The following NKAIN3 variants were observed in gnomAD, a reference collection of about 807,000 sequenced individuals.
NKAIN3 encodes sodium/potassium-transporting ATPase subunit beta-1-interacting protein 3.
In NKAIN3, 25 loss-of-function variants were observed where a neutral mutation model predicts 30.2. The observed-to-expected ratio is 0.83, with a 90% CI of 0.60 to 1.16. The LOEUF (loss-of-function observed/expected upper bound fraction) is 1.16. Among genes scored for constraint, NKAIN3 ranks in the 50% most tolerant of loss-of-function variants. The pLI, the probability that NKAIN3 is intolerant of heterozygous loss-of-function variation, is 0.00. For synonymous variants in NKAIN3, 91 were observed against 89.6 expected, an observed-to-expected ratio of 1.02 and a Z score of -0.09; for missense variants, 225 against 254.1, an observed-to-expected ratio of 0.89 and a Z score of 0.78.
intron 1 of NKAIN3, among the ~76,000 whole-genome samples, chr8:62,261,534 T>C (rs1166748248): frequency 8.5e-5 from 13 of 152,244 alleles, no homozygotes; most frequent in Admixed American, 8.5e-4. Flanking sequence ...TTCTTCCACC[T>C]GTTGGCATCA....
intron 4 of NKAIN3, chr8:62,855,581 A>C: frequency 1.3e-6 from 2 of 1,584,184 alleles, no homozygotes; most frequent in East Asian, 2.2e-5. Context: ...CATTGCTTCA[A>C]CCTTGGGCAA....
chr8:62,741,506 G>C lies in NKAIN3; in HGVS notation c.274-5426G>C, dbSNP rs180878804. Among the ~76,000 whole-genome samples the C allele has an allele frequency of 5.9e-3, 891 of 152,260 alleles. 5 individuals carry two copies. The highest frequency in any genetic ancestry group is 0.027 in the South Asian group (130 of 4,826). On this transcript the variant is annotated intron_variant, in intron 3 of 6. Transcript: ENST00000623646. ...GTGGAATGTCTTCTCCCCTCCACTGGAAGAAGGAAGACCTTCTTATCACCA... is the reference window on the plus strand; with the variant it reads ...GTGGAATGTCTTCTCCCCTCCACTGCAAGAAGGAAGACCTTCTTATCACCA...
At chr8:62,390,434 T>C (rs1224058133) in intron 1 of NKAIN3, among the ~76,000 whole-genome samples, 1 of 152,216 alleles carries the variant, frequency 6.6e-6, no homozygotes, top group East Asian at 1.9e-4. Context: ...ATTTTCTTTA[T>C]CCAGTCTATC....
intron 2 of NKAIN3, among the ~76,000 whole-genome samples, chr8:62,587,178 C>T (rs1053459689): frequency 1.3e-5 from 2 of 151,882 alleles, no homozygotes; most frequent in East Asian, 3.9e-4. Context: ...TATCTCTTTT[C>T]TTTTATACTC....
At chr8:62,589,655 AT>A (rs1810589072) in intron 2 of NKAIN3, 58 bp from the exon 3 acceptor site, 1 of 713,784 alleles carries the variant, frequency 1.4e-6, no homozygotes, top group African/African-American at 1.8e-5. Context: ...TTTATTTGAT[AT>A]ACATGCCTTT....
chr8:62,998,909 A>T (rs1439398937), intron 5 of NKAIN3, among the ~76,000 whole-genome samples: 1 of 152,220 alleles, frequency 6.6e-6, no homozygotes, highest in Non-Finnish European at 1.5e-5. Flanking sequence ...TGTGTCTTCC[A>T]TTCAAACAGT....
At chr8:62,267,270 G>C (rs1330438045) in intron 1 of NKAIN3, among the ~76,000 whole-genome samples, 1 of 152,208 alleles carries the variant, frequency 6.6e-6, no homozygotes, top group Non-Finnish European at 1.5e-5. Flanking sequence ...TGAAGCAATA[G>C]AACAGATCAT....
intron 3 of NKAIN3, among the ~76,000 whole-genome samples, chr8:62,664,149 A>G (rs1261653081): frequency 1.3e-5 from 2 of 151,800 alleles, no homozygotes; most frequent in Non-Finnish European, 2.9e-5. Context: ...ACCTGTAAGA[A>G]TTTCACCTCT....
chr8:62,843,476 A>G (rs1467993284), intron 4 of NKAIN3, among the ~76,000 whole-genome samples: 1 of 151,926 alleles, frequency 6.6e-6, no homozygotes, highest in Non-Finnish European at 1.5e-5. Context: ...AGCTGGGACT[A>G]CAGGCACATG....
chr8:62,579,630 T>G lies in NKAIN3; in HGVS notation c.146T>G (p.Leu49Trp). Residue 49 changes from leucine (L) to tryptophan (W), a missense_variant, in exon 2 of 7, where the codon TTG becomes TGG. By Grantham distance (61) the Leu-to-Trp change is moderately conservative. Coordinates refer to ENST00000623646, the MANE Select transcript of NKAIN3 (RefSeq NM_001304533.3). The stretch of plus-strand genomic sequence containing the variant: ...TTTCTACACATAATAGTTGTCATAT[T>G]GGGTTTGTTTGGGACCATTCAGTAC... ...GNFLHIIVVILGLFGTIQYRP... is the reference protein window; with the variant it reads ...GNFLHIIVVIWGLFGTIQYRP... 6.2e-7 allele frequency: 1 copy of G among 1,609,060 alleles called. No individual in the cohort carries two copies. Among genetic ancestry groups the G allele is most frequent in the Non-Finnish European group, 8.5e-7 (1 of 1,176,348 alleles).
rs943329522 is a variant in NKAIN3, at chr8:62,529,447, G to C, written c.55-50092G>C. 1.3e-5 allele frequency among the ~76,000 whole-genome samples: 2 copies of C among 152,254 alleles called. 1 individual carries two copies. The highest frequency in any genetic ancestry group is 1.3e-4 in the Admixed American group (2 of 15,292). ...TGAAATCCTAACAACGAACGTGATAGTGCTAAGGGAGCAGGCCTTTGGAAG... is the reference window on the plus strand; with the variant it reads ...TGAAATCCTAACAACGAACGTGATACTGCTAAGGGAGCAGGCCTTTGGAAG... On this transcript the variant is annotated intron_variant, in intron 1 of 6. Coordinates refer to ENST00000623646, the MANE Select transcript of NKAIN3 (RefSeq NM_001304533.3).
intron 1 of NKAIN3, among the ~76,000 whole-genome samples, chr8:62,417,631 T>C (rs923647629): frequency 3.9e-5 from 6 of 152,300 alleles, no homozygotes; most frequent in Non-Finnish European, 5.9e-5. Flanking sequence ...CTCACCAGCA[T>C]TTTTTATTGC....
chr8:62,549,490 A>G (rs558914236), intron 1 of NKAIN3, among the ~76,000 whole-genome samples: 2 of 152,324 alleles, frequency 1.3e-5, no homozygotes, highest in African/African-American at 4.8e-5. Flanking sequence ...AGGTTTTCCC[A>G]TAAAACCAGC....
chr8:62,573,019 G>T (rs1055943934), intron 1 of NKAIN3, among the ~76,000 whole-genome samples: 2 of 152,122 alleles, frequency 1.3e-5, no homozygotes, highest in Non-Finnish European at 1.5e-5. Context: ...GCGGGGCATG[G>T]CTAATGATTC....
intron 1 of NKAIN3, among the ~76,000 whole-genome samples, chr8:62,332,311 G>T (rs1815383037): frequency 6.6e-6 from 1 of 151,970 alleles, no homozygotes; most frequent in African/African-American, 2.4e-5. Context: ...TGCTAATAAA[G>T]AACTGGTTTG....
intron 1 of NKAIN3, among the ~76,000 whole-genome samples, chr8:62,339,818 C>T (rs556566751): frequency 4.6e-5 from 7 of 151,890 alleles, no homozygotes; most frequent in East Asian, 2.0e-4. Context: ...AATGTAAGAA[C>T]GGTGGGCTGA....
intron 4 of NKAIN3, among the ~76,000 whole-genome samples, chr8:62,835,047 C>T (rs980824993): frequency 1.3e-5 from 2 of 151,952 alleles, no homozygotes; most frequent in African/African-American, 4.8e-5. Flanking sequence ...CTGACTTTGA[C>T]AAAGCTTACA....
intron 1 of NKAIN3, among the ~76,000 whole-genome samples, chr8:62,519,804 G>A (rs562575674): frequency 6.6e-6 from 1 of 152,174 alleles, no homozygotes; most frequent in Admixed American, 6.6e-5. Context: ...CAGATTGCCG[G>A]GGCATCTTAG....
At chr8:62,661,209 T>A (rs1812933296) in intron 3 of NKAIN3, among the ~76,000 whole-genome samples, 1 of 152,188 alleles carries the variant, frequency 6.6e-6, no homozygotes, top group South Asian at 2.1e-4. Flanking sequence ...ACCTGGCCTT[T>A]CCTGCTGTTT....
Sources: gnomAD v4.1 joint callset for allele counts (sites outside exome capture counted in the v4.1 genomes callset) on GRCh38, gnomAD v4.1.1 for gene constraint, MANE v1.5 for transcripts, NCBI Gene and HGNC (gene_info 2026-07-23, HGNC 2026-07-21) for gene names.